The following SYT17 variants were observed in gnomAD, a reference collection of about 807,000 sequenced individuals.
The protein encoded by SYT17 is synaptotagmin-17.
In SYT17, 22 loss-of-function variants were observed where a neutral mutation model predicts 46.7. That is an observed-to-expected ratio of 0.47 (90% CI 0.34 to 0.67). SYT17 has a LOEUF of 0.67. Among genes scored for constraint, SYT17 ranks in the 30% least tolerant of loss-of-function variants. The pLI, the probability that SYT17 is intolerant of heterozygous loss-of-function variation, is 0.01. For synonymous variants in SYT17, 251 were observed against 248.4 expected (o/e 1.01, Z -0.10); for missense variants, 519 against 612.8 (o/e 0.85, Z 1.62).
chr16:19,179,063 T>C (rs776033962), intron 3 of SYT17, among the ~76,000 whole-genome samples: 1 of 144,988 alleles, frequency 6.9e-6, no homozygotes, highest in Non-Finnish European at 1.5e-5. Context: ...GATCGATCAA[T>C]CAATAAAAAA....
At chr16:19,188,942 A>C (rs1346034163) in intron 5 of SYT17, among the ~76,000 whole-genome samples, 1 of 151,964 alleles carries the variant, frequency 6.6e-6, no homozygotes, top group Non-Finnish European at 1.5e-5. Flanking sequence ...GCTGGAGTGC[A>C]GTGGTGCGAT....
intron 7 of SYT17, among the ~76,000 whole-genome samples, chr16:19,230,495 A>G (rs926252395): frequency 1.3e-5 from 2 of 152,176 alleles, no homozygotes; most frequent in Admixed American, 6.5e-5. Flanking sequence ...ATACCTAAAA[A>G]TGGTTACTTT....
In SYT17 at chr16:19,267,128, GA is replaced by G. The variant is rs767080319; in HGVS notation, c.*59del. On this transcript the variant is annotated 3_prime_UTR_variant, in exon 8 of 8. Coordinates refer to ENST00000355377, the MANE Select transcript of SYT17 (RefSeq NM_016524.4). Reference sequence around the variant, plus strand: ...TGTTTAAAAAAAAAAAAAAAAGACGGAAAAAAATGTGTCACATACTATTACA... The same window carrying G: ...TGTTTAAAAAAAAAAAAAAAAGACGGAAAAAATGTGTCACATACTATTACA... The G allele has an allele frequency of 6.7e-5, 73 of 1,093,530 alleles. No homozygotes were observed. Among genetic ancestry groups the G allele is most frequent in the Admixed American group, 1.6e-4 (6 of 36,838 alleles). 67.7% of individuals were successfully genotyped at this position (1,093,530 alleles called of 1,614,324 possible). A position where few individuals can be genotyped will look rare whatever the true frequency, so the allele number is the denominator to read the frequency against.
At chr16:19,177,842 ATTGT>A (rs1229745264) in intron 3 of SYT17, among the ~76,000 whole-genome samples, 1 of 152,294 alleles carries the variant, frequency 6.6e-6, no homozygotes, top group African/African-American at 2.4e-5. Context: ...AAGTTGGTTG[ATTGT>A]TTGTCGAACA....
intron 7 of SYT17, among the ~76,000 whole-genome samples, chr16:19,252,923 T>G (rs1968292714): frequency 6.6e-6 from 1 of 152,094 alleles, no homozygotes; most frequent in South Asian, 2.1e-4. Flanking sequence ...ACCCAGAGAT[T>G]TGTTAAAACA....
intron 6 of SYT17, among the ~76,000 whole-genome samples, chr16:19,223,457 T>G (rs569521385): frequency 4.6e-5 from 7 of 152,358 alleles, no homozygotes; most frequent in South Asian, 2.1e-4. Flanking sequence ...GTGCATTGAC[T>G]ATCCATTCTA....
intron 5 of SYT17, among the ~76,000 whole-genome samples, chr16:19,207,914 A>AAAAG (rs34958557): frequency 0.024 from 3,601 of 152,204 alleles, 136 homozygotes; most frequent in African/African-American, 0.081. Flanking sequence ...AACAGGAAAA[A>AAAAG]AAAGAAAGAA....
At chr16:19,220,083 G>A (rs577992450) in intron 5 of SYT17, among the ~76,000 whole-genome samples, 23 of 152,146 alleles carry the variant, frequency 1.5e-4, no homozygotes, top group African/African-American at 5.5e-4. Context: ...AAAAGGGGCT[G>A]AACTTCTTTT....
rs143700262 is a variant in SYT17 at position 19,225,369 on chromosome 16, T to G, written c.1228+531T>G. ...AGGATGTAGTATTTAAGTAGAGGCT[T>G]CATGTGACACTGTCTGGTAGAATTT... On this transcript the variant is annotated intron_variant, in intron 7 of 7. Coordinates refer to ENST00000355377, the MANE Select transcript of SYT17 (RefSeq NM_016524.4). Among the ~76,000 whole-genome samples, 69 of 152,288 alleles carry G rather than the reference T, an allele frequency of 4.5e-4. No homozygotes were observed. In the East Asian group the frequency reaches 0.013, roughly 28 times the overall value.
chr16:19,262,579 C>G (rs1169768369), intron 7 of SYT17, among the ~76,000 whole-genome samples: 11 of 152,128 alleles, frequency 7.2e-5, no homozygotes. Flanking sequence ...TTCTCCTCAA[C>G]TGGAGTTATA....
intron 7 of SYT17, among the ~76,000 whole-genome samples, chr16:19,248,556 C>T (rs1302373919): frequency 1.3e-5 from 2 of 152,130 alleles, no homozygotes; most frequent in East Asian, 1.9e-4. Context: ...CGTGGTGGCT[C>T]ACGCTTGTAA....
chr16:19,254,740 A>G (rs566381982), intron 7 of SYT17, among the ~76,000 whole-genome samples: 2 of 152,342 alleles, frequency 1.3e-5, no homozygotes, highest in African/African-American at 2.4e-5. Context: ...GAGGACCCTC[A>G]GTCAGATGTA....
intron 5 of SYT17, among the ~76,000 whole-genome samples, chr16:19,205,246 C>T (rs994638320): frequency 3.3e-5 from 5 of 152,142 alleles, no homozygotes; most frequent in African/African-American, 4.8e-5. Flanking sequence ...AACTTTATTT[C>T]CCTGGTCAGT....
chr16:19,193,968 G>A (rs549574881), intron 5 of SYT17, among the ~76,000 whole-genome samples: 8 of 152,286 alleles, frequency 5.3e-5, no homozygotes, highest in Middle Eastern at 3.4e-3. Context: ...TGTTCTGGTC[G>A]GGGCTAGGTG....
chr16:19,239,467 A>G lies in SYT17; in HGVS notation c.1228+14629A>G, dbSNP rs117220409. Among the ~76,000 whole-genome samples the G allele has an allele frequency of 2.3e-3, 353 of 152,260 alleles. 3 individuals are homozygous for G. Among genetic ancestry groups the G allele is most frequent in the Non-Finnish European group, 3.2e-3 (217 of 67,998 alleles). On this transcript the variant is annotated intron_variant, in intron 7 of 7. Transcript: ENST00000355377. ...GACTCCCAGAGTTTAGTGCTGTATC[A>G]TTTTGAGCAGAACCTTTTAATCTCT...
chr16:19,234,351 T>C (rs1312746086), intron 7 of SYT17, among the ~76,000 whole-genome samples: 2 of 151,910 alleles, frequency 1.3e-5, no homozygotes, highest in African/African-American at 4.8e-5. Context: ...AGAAAGAAAT[T>C]CACCATTACC....
At chr16:19,181,881 C>T (rs1433527923) in intron 4 of SYT17, among the ~76,000 whole-genome samples, 1 of 151,896 alleles carries the variant, frequency 6.6e-6, no homozygotes, top group African/African-American at 2.4e-5. Flanking sequence ...TGCCTGTAAT[C>T]CCAGCTACCT....
At chr16:19,195,973 G>C (rs528739603) in intron 5 of SYT17, among the ~76,000 whole-genome samples, 2 of 151,936 alleles carry the variant, frequency 1.3e-5, no homozygotes, top group African/African-American at 2.4e-5. Context: ...TGACAGAGCC[G>C]GACCCTGTCT....
chr16:19,192,430 A>G (rs751297950), intron 5 of SYT17, among the ~76,000 whole-genome samples: 2 of 152,134 alleles, frequency 1.3e-5, no homozygotes, highest in East Asian at 3.9e-4. Context: ...CATAGAAAAA[A>G]AAAGAAATGT....
Sources: allele counts gnomAD v4.1 joint callset (sites outside exome capture counted in the v4.1 genomes callset), GRCh38; gene constraint gnomAD v4.1.1; transcripts MANE v1.5; gene names NCBI Gene and HGNC (gene_info 2026-07-23, HGNC 2026-07-21).